DLG5: variants seen among roughly 807,000 people sequenced by gnomAD.
DLG5 encodes the protein discs large MAGUK scaffold protein 5, also known as disks large homolog 5.
In DLG5, 48 loss-of-function variants were observed where a neutral mutation model predicts 189.8. The ratio of observed to expected loss-of-function variants is 0.25; its 90% CI spans 0.20 to 0.32. DLG5 has a LOEUF of 0.32. Among genes scored for constraint, DLG5 ranks in the 10% least tolerant of loss-of-function variants. The pLI is 1.00. For missense variants in DLG5, 2,160 were observed against 2,544.7 expected (o/e 0.85, Z 3.25); for synonymous variants, 1,016 against 1,054.1 (o/e 0.96, Z 0.70).
intron 1 of DLG5, among the ~76,000 whole-genome samples, chr10:77,897,300 G>A (rs1325147212): frequency 2.0e-5 from 3 of 152,110 alleles, no homozygotes; most frequent in Non-Finnish European, 4.4e-5. Flanking sequence ...AGGTTGCAGT[G>A]AGTGGAGACT....
At chr10:77,940,069 C>T in the DLG5 span, among the ~76,000 whole-genome samples, 1 of 151,940 alleles carries the variant, frequency 6.6e-6, no homozygotes, top group Non-Finnish European at 1.5e-5. Context: ...CAACAACTGA[C>T]AAAATGCCCA....
chr10:77,842,116 T>G lies in DLG5; in HGVS notation c.1202A>C (p.Gln401Pro), dbSNP rs1413337004. 6.2e-7 allele frequency: 1 copy of G among 1,612,852 alleles called. No homozygotes were observed. Among genetic ancestry groups the G allele is most frequent in the South Asian group, 1.1e-5 (1 of 91,092 alleles). Residue 401 changes from glutamine to proline, a missense_variant, in exon 7 of 32, where the codon CAG becomes CCG. Coordinates refer to ENST00000372391, the MANE Select transcript of DLG5 (RefSeq NM_004747.4). ...KDLQWEMELLQSELTELRTTQ... is the reference protein window; with the variant it reads ...KDLQWEMELLPSELTELRTTQ... The stretch of plus-strand genomic sequence containing the variant: ...GGTTCTCAGCTCGGTCAGCTCTGAC[T>G]GCAGCAGCTCCATCTCCCACTGCAG...
At chr10:77,915,563 A>T (rs1490026961) in intron 1 of DLG5, among the ~76,000 whole-genome samples, 1 of 152,222 alleles carries the variant, frequency 6.6e-6, no homozygotes, top group Non-Finnish European at 1.5e-5. Flanking sequence ...TGAAGCCCCA[A>T]AGCACACTGG....
chr10:77,894,122 G>A (rs769613428), intron 1 of DLG5, among the ~76,000 whole-genome samples: 7 of 152,212 alleles, frequency 4.6e-5, no homozygotes, highest in Non-Finnish European at 8.8e-5. Flanking sequence ...ACCCTAGCCT[G>A]TGTGTGTGAG....
At chr10:77,817,383 C>A (rs1054752784) in intron 18 of DLG5, among the ~76,000 whole-genome samples, 2 of 152,190 alleles carry the variant, frequency 1.3e-5, no homozygotes, top group South Asian at 4.1e-4. Context: ...TTCTCCCCAG[C>A]GCCAGAGTTC....
intron 4 of DLG5, among the ~76,000 whole-genome samples, chr10:77,853,956 C>T (rs535143736): frequency 6.6e-6 from 1 of 152,340 alleles, no homozygotes; most frequent in South Asian, 2.1e-4. Flanking sequence ...GACCCAGAGG[C>T]CTGCCTGAGC....
chr10:77,937,328 C>T, the DLG5 span, among the ~76,000 whole-genome samples: 7 of 152,190 alleles, frequency 4.6e-5, no homozygotes, highest in East Asian at 1.9e-4. Context: ...CTTTCCCTCC[C>T]AGAAGTCCTG....
chr10:77,917,952 A>G (rs931667581), intron 1 of DLG5, among the ~76,000 whole-genome samples: 1 of 150,622 alleles, frequency 6.6e-6, no homozygotes, highest in Non-Finnish European at 1.5e-5. Flanking sequence ...CAGGAGGCGG[A>G]GGTTGTGGTG....
At chr10:77,812,110 A>G in intron 21 of DLG5, 53 bp from the exon 22 acceptor site, 1 of 1,601,232 alleles carries the variant, frequency 6.2e-7, no homozygotes. Context: ...GTGGACAGGG[A>G]GGAGGCCCTG....
At chr10:77,853,659 G>T in intron 4 of DLG5, 122 bp from the exon 5 acceptor site, 1 of 1,049,494 alleles carries the variant, frequency 9.5e-7, no homozygotes, top group Non-Finnish European at 1.3e-6. Context: ...GGAGCCAATG[G>T]CAGGTAGGTC....
chr10:77,889,334 A>G (rs1302242724), intron 1 of DLG5: 1 of 151,928 alleles, frequency 6.6e-6, no homozygotes, highest in Non-Finnish European at 1.5e-5. Context: ...GCTCCCCATT[A>G]TCAGAGAAAA....
At position 77,879,788 on chromosome 10, in the gene DLG5, G is replaced by A. The variant is rs147576945; in HGVS notation, c.305-10591C>T. ...GGATGATGTTGGTCCTTGCTGAAAG[G>A]GGGAAGCCTGCAGGAAAAACAGATG... On this transcript the variant is annotated intron_variant, in intron 1 of 31. Transcript: ENST00000372391. Among the ~76,000 whole-genome samples the A allele has an allele frequency of 1.0e-3, 158 of 151,834 alleles. 2 individuals carry two copies. In the East Asian group the frequency reaches 0.031, roughly 30 times the overall value.
chr10:77,871,527 A>G (rs1844897262), intron 1 of DLG5, among the ~76,000 whole-genome samples: 1 of 146,946 alleles, frequency 6.8e-6, no homozygotes, highest in Non-Finnish European at 1.5e-5. Context: ...AAAAACAATA[A>G]GCATCACACT....
chr10:77,910,697 C>T (rs762714477), intron 1 of DLG5, among the ~76,000 whole-genome samples: 8 of 152,176 alleles, frequency 5.3e-5, no homozygotes, highest in African/African-American at 1.4e-4. Flanking sequence ...GTAGGCCGGG[C>T]GTCGTGGTTC....
At chr10:77,849,014 G>A (rs997108003) in intron 5 of DLG5, among the ~76,000 whole-genome samples, 33 of 152,330 alleles carry the variant, frequency 2.2e-4, no homozygotes, top group African/African-American at 7.9e-4. Flanking sequence ...ACACAGCCTA[G>A]AAGAATCCAA....
intron 9 of DLG5, 98 bp downstream of exon 9, chr10:77,833,816 C>A: frequency 6.6e-7 from 1 of 1,523,888 alleles, no homozygotes; most frequent in Admixed American, 1.8e-5. Context: ...AAGGATGAGG[C>A]CCTGGCCAAT....
chr10:77,926,905 C>T (rs558052521), upstream of DLG5: 2 of 350,066 alleles, frequency 5.7e-6, no homozygotes, highest in Admixed American at 3.2e-5. This position sits in a 1 kb window ranked among gnomAD's most constrained non-coding sequence, Gnocchi z 5.2. Flanking sequence ...AGAAAACTCG[C>T]CCCGAAAGCC....
intron 1 of DLG5, among the ~76,000 whole-genome samples, chr10:77,906,473 T>C (rs549846659): frequency 6.6e-6 from 1 of 152,268 alleles, no homozygotes; most frequent in Non-Finnish European, 1.5e-5. Flanking sequence ...GAGGCCTCAC[T>C]TTCTTGAATC....
chr10:77,835,734 A>C lies in DLG5; in HGVS notation c.1622+4T>G. The C allele has an allele frequency of 1.2e-6, 2 of 1,608,576 alleles. No individual in the cohort carries two copies. The highest frequency in any genetic ancestry group is 8.5e-7 in the Non-Finnish European group (1 of 1,178,536). On this transcript the variant is annotated splice_donor_region_variant and intron_variant, in intron 8 of 31. Coordinates refer to ENST00000372391, the MANE Select transcript of DLG5 (RefSeq NM_004747.4). ...GCCCACGCCAGCTTGAGGTCACCCC[A>C]TACCGGATGCTGTCACGCTCTGCTA...
Sources: allele counts gnomAD v4.1 joint callset (sites outside exome capture counted in the v4.1 genomes callset), GRCh38; gene constraint gnomAD v4.1.1; non-coding constraint Gnocchi (gnomAD v3.1); transcripts MANE v1.5; gene names NCBI Gene and HGNC (gene_info 2026-07-23, HGNC 2026-07-21).